The following TNS1 variants were observed in gnomAD, a reference collection of about 807,000 sequenced individuals.
The protein encoded by TNS1 is tensin-1.
Under a neutral mutation model 168.6 loss-of-function variants are expected in TNS1, and 62 were observed. That is an observed-to-expected ratio of 0.37 (90% CI 0.30 to 0.45). The LOEUF (loss-of-function observed/expected upper bound fraction) is 0.45. Among genes scored for constraint, TNS1 ranks in the 20% least tolerant of loss-of-function variants. The probability of loss-of-function intolerance (pLI) is 1.00; values close to 1 mark genes in which losing one functional copy is unlikely to be tolerated. For synonymous variants in TNS1, 934 were observed against 933.2 expected (o/e 1.00, Z -0.02); for missense variants, 2,240 against 2,339.4 (o/e 0.96, Z 0.88).
At chr2:217,822,083 G>C in intron 22 of TNS1, 145 bp from the exon 23 acceptor site, 1 of 905,800 alleles carries the variant, frequency 1.1e-6, no homozygotes. Flanking sequence ...CAGGGCTCCT[G>C]CCTGCCCAGA....
At chr2:218,015,092 C>G (rs956079319), upstream of TNS1, among the ~76,000 whole-genome samples, 7 of 152,166 alleles carry the variant, frequency 4.6e-5, no homozygotes, top group African/African-American at 1.7e-4. Context: ...TCCACACACC[C>G]CCTGGTGAGA....
At position 217,816,453 on chromosome 2, in the gene TNS1, G is replaced by A. The variant is rs146488908; in HGVS notation, c.4642+1237C>T. Among the ~76,000 whole-genome samples the A allele has an allele frequency of 6.3e-4, 96 of 152,250 alleles. No homozygotes were observed. In the East Asian group the frequency reaches 0.014, roughly 21 times the overall value. The stretch of plus-strand genomic sequence containing the variant: ...CCTTATGCTTCTGGGATCTGTCTCC[G>A]GGCGAGTGTGAGGGGAGAGGTCAGC... On this transcript the variant is annotated intron_variant, in intron 24 of 32. Coordinates refer to ENST00000682258, the MANE Select transcript of TNS1 (RefSeq NM_001387777.1).
intron 20 of TNS1, 41 bp from the exon 21 acceptor site, chr2:217,835,207 GA>G: frequency 6.3e-7 from 1 of 1,576,176 alleles, no homozygotes; most frequent in Non-Finnish European, 8.7e-7. Context: ...GAAACCATGA[GA>G]AGGAGAGATT....
chr2:217,818,903 A>G (rs1942377478), intron 23 of TNS1, 144 bp from the exon 24 acceptor site: 3 of 672,952 alleles, frequency 4.5e-6, no homozygotes, highest in Non-Finnish European at 5.0e-6. Context: ...AGGGTTTTAT[A>G]CGTTACCTTA....
chr2:217,871,312 C>T (rs1949755400), intron 18 of TNS1, among the ~76,000 whole-genome samples: 1 of 152,180 alleles, frequency 6.6e-6, no homozygotes, highest in Non-Finnish European at 1.5e-5. Flanking sequence ...GCTACTGCCC[C>T]CACCACCTTG....
At chr2:217,937,179 CTCCCCTA>C in intron 3 of TNS1, 1 of 216,812 alleles carries the variant, frequency 4.6e-6, no homozygotes, top group Non-Finnish European at 7.7e-6. Flanking sequence ...ACTCTGTCTA[CTCCCCTA>C]CTCCCCTACT....
rs765359173 is a variant in TNS1, at chr2:217,882,416, A to G, written c.1247-5T>C. 1.3e-5 allele frequency: 20 copies of G among 1,593,684 alleles called. No individual in the cohort carries two copies. The East Asian group carries it at 4.0e-4, about 32-fold the overall frequency. ...CATACTCTGGAAATCGATCATCTGGAAAAAGAGAAGGAAAAATAAAAATAG... is the reference window on the plus strand; with the variant it reads ...CATACTCTGGAAATCGATCATCTGGGAAAAGAGAAGGAAAAATAAAAATAG... On this transcript the variant is annotated splice_polypyrimidine_tract_variant and splice_region_variant and intron_variant, in intron 16 of 32. Transcript: ENST00000682258.
chr2:217,929,743 A>C (rs945869494), intron 3 of TNS1, among the ~76,000 whole-genome samples: 1 of 130,322 alleles, frequency 7.7e-6, no homozygotes, highest in East Asian at 2.6e-4. Context: ...CCAGAGGCCC[A>C]TGTGTCTGTC....
In TNS1 at chr2:217,818,304, G is replaced by T; in HGVS notation, c.4028C>A (p.Thr1343Asn). 6.2e-7 allele frequency: 1 copy of T among 1,613,662 alleles called. No homozygotes were observed. ...ACACAGGCTGGGGCTCCCCGGGGTGGTCGCTGCACTGCTCTGGGGGCTGGA... is the reference window on the plus strand; with the variant it reads ...ACACAGGCTGGGGCTCCCCGGGGTGTTCGCTGCACTGCTCTGGGGGCTGGA... Reference protein sequence around the residue: ...TVSSPQSSAATTPGSPSLCRH... With the variant: ...TVSSPQSSAANTPGSPSLCRH... The change falls in exon 24 of 33, where the codon ACC becomes AAC. Residue 1343 changes from threonine (T) to asparagine (N), a missense_variant. By Grantham distance (65) the Thr-to-Asn change is moderately conservative. Transcript: ENST00000682258.
In TNS1 at chr2:217,900,498, G is replaced by T. The variant is rs1224155247; in HGVS notation, c.336C>A (p.Val112=). The T allele has an allele frequency of 6.5e-7, 1 of 1,535,404 alleles. No homozygotes were observed. The highest frequency in any genetic ancestry group is 8.7e-7 in the Non-Finnish European group (1 of 1,146,722). The change falls in exon 7 of 33, where the codon GTC becomes GTA. Residue 112 remains valine (V), a synonymous_variant. Coordinates refer to ENST00000682258, the MANE Select transcript of TNS1 (RefSeq NM_001387777.1). ...KSLEDNGSTR[V]TPSVQPHLQP... ...GGAGGTGGGGCTGGACACTCGGGGTGACCCTGGTGGAGCCCTGGGAAGGAG... is the reference window on the plus strand; with the variant it reads ...GGAGGTGGGGCTGGACACTCGGGGTTACCCTGGTGGAGCCCTGGGAAGGAG...
At chr2:218,011,181 G>A (rs78820872), upstream of TNS1, among the ~76,000 whole-genome samples, 981 of 152,306 alleles carry the variant, frequency 6.4e-3, 8 homozygotes, top group African/African-American at 0.023. Context: ...GTGCTCAGCT[G>A]AACAGAGGAT....
intron 22 of TNS1, among the ~76,000 whole-genome samples, chr2:217,828,876 T>C (rs991308955): frequency 1.1e-4 from 17 of 152,196 alleles, no homozygotes; most frequent in Admixed American, 8.5e-4. Context: ...TCTGTGTTGA[T>C]AGGAAACCAG....
At chr2:217,886,156 AG>A in intron 13 of TNS1, 52 bp from the exon 14 acceptor site, 1 of 1,587,214 alleles carries the variant, frequency 6.3e-7, no homozygotes, top group Non-Finnish European at 8.6e-7. Flanking sequence ...GGCAGGCAGG[AG>A]GGGCAGAGGA....
chr2:217,991,354 G>T (rs191684196), intron 1 of TNS1, among the ~76,000 whole-genome samples: 1 of 151,984 alleles, frequency 6.6e-6, no homozygotes, highest in African/African-American at 2.4e-5. Flanking sequence ...TATTATGAAG[G>T]CATGGCTCAC....
Position 217,858,580 on chromosome 2 carries a change from A to G in TNS1, c.1430-9493T>C, listed in dbSNP as rs541775747. 1,158 of 985,876 alleles carry G rather than the reference A, an allele frequency of 1.2e-3. 1 individual carries two copies. The highest frequency in any genetic ancestry group is 3.4e-3 in the Admixed American group (55 of 16,244). The allele number at this position is 985,876 out of a possible 1,614,324, so 61.1% of individuals were successfully genotyped here. A position where few individuals can be genotyped will look rare whatever the true frequency, so the allele number is the denominator to read the frequency against. The stretch of plus-strand genomic sequence containing the variant: ...GCCCCAAGTTCCCAATAATTCCTAC[A>G]TGGCTGCAGCTCCAAGTGCTGTCTG... On this transcript the variant is annotated intron_variant, in intron 18 of 32. Transcript: ENST00000682258.
intron 18 of TNS1, among the ~76,000 whole-genome samples, chr2:217,851,357 T>C (rs1363118356): frequency 6.7e-6 from 1 of 148,676 alleles, no homozygotes; most frequent in Non-Finnish European, 1.5e-5. Flanking sequence ...CCAATCAACA[T>C]ACACACACAC....
intron 3 of TNS1, among the ~76,000 whole-genome samples, chr2:217,951,786 C>T (rs1294518190): frequency 1.3e-5 from 2 of 152,220 alleles, no homozygotes; most frequent in African/African-American, 2.4e-5. Flanking sequence ...CACACAGCCA[C>T]GCAATCACTG....
At chr2:217,822,399 G>T (rs1194667394) in intron 22 of TNS1, among the ~76,000 whole-genome samples, 1 of 152,136 alleles carries the variant, frequency 6.6e-6, no homozygotes, top group African/African-American at 2.4e-5. Context: ...TCCACCCCCT[G>T]CCCAGAATCC....
At chr2:218,026,128 T>A (rs561574430) in intron 1 of TNS1, among the ~76,000 whole-genome samples, 1 of 152,316 alleles carries the variant, frequency 6.6e-6, no homozygotes, top group South Asian at 2.1e-4. Context: ...AATAACATCT[T>A]GATTAAGAGC....
Sources: gnomAD v4.1 joint callset for allele counts (sites outside exome capture counted in the v4.1 genomes callset) on GRCh38, gnomAD v4.1.1 for gene constraint, MANE v1.5 for transcripts, NCBI Gene and HGNC (gene_info 2026-07-23, HGNC 2026-07-21) for gene names.